The following PIK3C2G variants were observed in gnomAD, a reference collection of about 807,000 sequenced individuals.
PIK3C2G encodes phosphatidylinositol 3-kinase C2 domain-containing subunit gamma.
In PIK3C2G, 168 loss-of-function variants were observed where a neutral mutation model predicts 181.1. The ratio of observed to expected loss-of-function variants is 0.93; its 90% CI spans 0.82 to 1.05. The LOEUF (loss-of-function observed/expected upper bound fraction) is 1.05, where lower values mean the gene tolerates loss of function less well. Among genes scored for constraint, PIK3C2G ranks in the 50% least tolerant of loss-of-function variants. The pLI, the probability that PIK3C2G is intolerant of heterozygous loss-of-function variation, is 0.00. For missense variants in PIK3C2G, 1,869 were observed against 1,732.8 expected (o/e 1.08, Z -1.40); for synonymous variants, 573 against 592.2 (o/e 0.97, Z 0.47).
At chr12:18,662,389 T>G in the PIK3C2G span, among the ~76,000 whole-genome samples, 1 of 151,966 alleles carries the variant, frequency 6.6e-6, no homozygotes, top group African/African-American at 2.4e-5. Flanking sequence ...GAGAAATAAA[T>G]TTTGTTTATC....
chr12:18,510,232 C>A (rs983765917), intron 24 of PIK3C2G, among the ~76,000 whole-genome samples: 1 of 152,166 alleles, frequency 6.6e-6, no homozygotes, highest in East Asian at 1.9e-4. Flanking sequence ...GCCCAAAATG[C>A]TGGAATTATA....
intron 1 of PIK3C2G, among the ~76,000 whole-genome samples, chr12:18,268,698 G>A (rs7957176): frequency 0.51 from 76,992 of 151,868 alleles, 19,969 homozygotes; most frequent in East Asian, 0.75. Flanking sequence ...CAAACAGTGC[G>A]TATTAGCCAT....
intron 30 of PIK3C2G, among the ~76,000 whole-genome samples, chr12:18,602,821 G>A (rs115837738): frequency 6.6e-6 from 1 of 152,110 alleles, no homozygotes; most frequent in Non-Finnish European, 1.5e-5. Flanking sequence ...ACAGTAAAAG[G>A]GGGAGAGTAC....
At position 18,468,188 on chromosome 12, in the gene PIK3C2G, G is replaced by C. The variant is rs1938104849; in HGVS notation, c.2505-20261G>C. The stretch of plus-strand genomic sequence containing the variant: ...ATATTTCTATGCTTCAATTAACTTT[G>C]CTTTAAGCTTGCATTCTGGAGTTAG... On this transcript the variant is annotated intron_variant, in intron 18 of 32. Transcript: ENST00000538779. 1.3e-5 allele frequency among the ~76,000 whole-genome samples: 2 copies of C among 151,844 alleles called. 1 individual carries two copies. Among genetic ancestry groups the C allele is most frequent in the South Asian group, 4.1e-4 (2 of 4,820 alleles).
chr12:18,335,177 T>C (rs960847714), intron 8 of PIK3C2G, among the ~76,000 whole-genome samples: 15 of 152,112 alleles, frequency 9.9e-5, no homozygotes, highest in African/African-American at 3.4e-4. Flanking sequence ...TGCTATCCAA[T>C]GTCTGAGGAC....
intron 24 of PIK3C2G, among the ~76,000 whole-genome samples, chr12:18,518,059 C>T (rs558875812): frequency 1.3e-5 from 2 of 152,276 alleles, no homozygotes; most frequent in South Asian, 4.1e-4. Flanking sequence ...GTATGTTGAA[C>T]CAGCCTTGCA....
At chr12:18,629,323 G>A (rs957435184) in intron 31 of PIK3C2G, among the ~76,000 whole-genome samples, 2 of 152,154 alleles carry the variant, frequency 1.3e-5, no homozygotes, top group Non-Finnish European at 2.9e-5. Context: ...CTGCCTACAA[G>A]GTCCCTAAGA....
intron 1 of PIK3C2G, among the ~76,000 whole-genome samples, chr12:18,250,979 T>C (rs2136951205): frequency 6.6e-6 from 1 of 152,120 alleles, no homozygotes; most frequent in Non-Finnish European, 1.5e-5. Flanking sequence ...TTTCTGGCAT[T>C]ATTAAAACCT....
chr12:18,257,141 A>G (rs991048058), upstream of PIK3C2G, among the ~76,000 whole-genome samples: 11 of 152,134 alleles, frequency 7.2e-5, no homozygotes, highest in African/African-American at 2.4e-4. Context: ...TTTAAATTCC[A>G]TGGTCTAGAG....
At chr12:18,579,078 A>T (rs1946367863) in intron 29 of PIK3C2G, among the ~76,000 whole-genome samples, 1 of 152,120 alleles carries the variant, frequency 6.6e-6, no homozygotes, top group South Asian at 2.1e-4. Context: ...ATTTAATATC[A>T]TTACATAACT....
the PIK3C2G span, among the ~76,000 whole-genome samples, chr12:18,676,035 G>GA: frequency 6.6e-6 from 1 of 151,754 alleles, no homozygotes; most frequent in South Asian, 2.1e-4. Flanking sequence ...TGAAAGAAAG[G>GA]AAAAAAAATT....
At chr12:18,427,435 A>G (rs1320974122) in intron 18 of PIK3C2G, among the ~76,000 whole-genome samples, 1 of 144,520 alleles carries the variant, frequency 6.9e-6, no homozygotes, top group African/African-American at 2.5e-5. Context: ...GGAACCCGGG[A>G]GGTTGCAGTG....
At chr12:18,326,426 C>T (rs1951349248) in intron 8 of PIK3C2G, among the ~76,000 whole-genome samples, 1 of 152,138 alleles carries the variant, frequency 6.6e-6, no homozygotes, top group Non-Finnish European at 1.5e-5. Flanking sequence ...GGGTACATAA[C>T]TCAGATAATA....
chr12:18,266,060 TTA>T (rs1720335279), intron 1 of PIK3C2G, among the ~76,000 whole-genome samples: 2 of 148,772 alleles, frequency 1.3e-5, no homozygotes, highest in South Asian at 4.3e-4. Flanking sequence ...AATAGAAAAT[TTA>T]TATTTGCATA....
At chr12:18,726,422 C>T in the PIK3C2G span, among the ~76,000 whole-genome samples, 1 of 152,116 alleles carries the variant, frequency 6.6e-6, no homozygotes, top group Non-Finnish European at 1.5e-5. Flanking sequence ...TTTAGAAATA[C>T]ACCATATGCT....
intron 26 of PIK3C2G, among the ~76,000 whole-genome samples, chr12:18,562,133 T>TTTG (rs920702015): frequency 9.2e-5 from 14 of 152,312 alleles, no homozygotes; most frequent in African/African-American, 3.4e-4. Context: ...AAAATCTTTT[T>TTTG]TTGTTGTTGT....
intron 31 of PIK3C2G, among the ~76,000 whole-genome samples, chr12:18,618,940 G>A (rs1351201380): frequency 6.6e-6 from 1 of 152,036 alleles, no homozygotes; most frequent in Admixed American, 6.6e-5. Flanking sequence ...GAGAACAGAA[G>A]ATTGGGAGTC....
chr12:18,589,117 G>C (rs532877798), intron 29 of PIK3C2G, among the ~76,000 whole-genome samples: 1 of 151,858 alleles, frequency 6.6e-6, no homozygotes, highest in East Asian at 1.9e-4. Flanking sequence ...AGGAGAGAGA[G>C]GATCAGAAAA....
chr12:18,300,630 G>A (rs1950136971), intron 5 of PIK3C2G, among the ~76,000 whole-genome samples: 1 of 151,990 alleles, frequency 6.6e-6, no homozygotes, highest in African/African-American at 2.4e-5. Context: ...ATAATTGATA[G>A]GTGAGGACTT....
Sources: allele counts gnomAD v4.1 joint callset (sites outside exome capture counted in the v4.1 genomes callset), GRCh38; gene constraint gnomAD v4.1.1; transcripts MANE v1.5; gene names NCBI Gene and HGNC (gene_info 2026-07-23, HGNC 2026-07-21).